The following PCNX1 variants were observed in gnomAD, a reference collection of about 807,000 sequenced individuals.
The protein encoded by PCNX1 is pecanex-like protein 1.
Under a neutral mutation model 242.2 loss-of-function variants are expected in PCNX1, and 78 were observed. That is an observed-to-expected ratio of 0.32 (90% confidence interval 0.27 to 0.39). The LOEUF is 0.39. Among genes scored for constraint, PCNX1 ranks in the 10% least tolerant of loss-of-function variants. The probability of loss-of-function intolerance (pLI) is 1.00; values close to 1 mark genes in which losing one functional copy is unlikely to be tolerated. For synonymous variants in PCNX1, 1,024 were observed against 1,032.9 expected (o/e 0.99, Z 0.17); for missense variants, 2,581 against 2,856.5 (o/e 0.90, Z 2.20).
intron 2 of PCNX1, among the ~76,000 whole-genome samples, chr14:70,961,856 A>G (rs921605035): frequency 1.3e-5 from 2 of 152,162 alleles, no homozygotes; most frequent in African/African-American, 4.8e-5. Flanking sequence ...CAATTGAACA[A>G]TTTCTCTTTG....
At chr14:71,021,707 A>T (rs1440139375) in intron 12 of PCNX1, among the ~76,000 whole-genome samples, 2 of 152,112 alleles carry the variant, frequency 1.3e-5, no homozygotes, top group African/African-American at 2.4e-5. Flanking sequence ...TGCTTTATGA[A>T]TGCTACATCA....
intron 8 of PCNX1, among the ~76,000 whole-genome samples, chr14:71,008,651 G>A (rs1384046257): frequency 1.1e-4 from 10 of 88,004 alleles, no homozygotes; most frequent in African/African-American, 5.1e-4. Context: ...GCGAGACTCT[G>A]TCTCAAAAAA....
chr14:70,930,240 G>A (rs942126999), intron 1 of PCNX1, among the ~76,000 whole-genome samples: 2 of 152,048 alleles, frequency 1.3e-5, no homozygotes, highest in African/African-American at 4.8e-5. Context: ...TGAACTTTTG[G>A]GCTCAAGCAG....
intron 32 of PCNX1, among the ~76,000 whole-genome samples, chr14:71,104,487 G>A (rs540304778): frequency 5.7e-4 from 87 of 152,104 alleles, no homozygotes; most frequent in Non-Finnish European, 3.1e-4. Context: ...AATTGTCCTC[G>A]TTTGCTTAGT....
intron 8 of PCNX1, among the ~76,000 whole-genome samples, chr14:71,001,792 T>A (rs2059513045): frequency 6.6e-6 from 1 of 152,222 alleles, no homozygotes; most frequent in African/African-American, 2.4e-5. Flanking sequence ...ATTTCTCTCA[T>A]GAGAACCATT....
At position 71,068,586 on chromosome 14, in the gene PCNX1, A is replaced by G. The variant is rs1357303312; in HGVS notation, c.4853-4959A>G. 1.0e-4 allele frequency among the ~76,000 whole-genome samples: 10 copies of G among 97,518 alleles called. No individual in the cohort carries two copies. The East Asian group carries it at 1.5e-3, about 15-fold the overall frequency. The allele number at this position is 97,518 out of a possible 152,430, so 64.0% of individuals were successfully genotyped here. A position where few individuals can be genotyped will look rare whatever the true frequency, so the allele number is the denominator to read the frequency against. On this transcript the variant is annotated intron_variant, in intron 26 of 35. Transcript: ENST00000304743. ...TGGTAGACTTTTTAGGTTTGTATGT[A>G]CGTGCGTGTGTGTGTGTGTGTGTGT... is the stretch of plus-strand genomic sequence containing the variant.
rs2062766341 is a variant in PCNX1, at chr14:71,112,249, T to G, written c.*2314T>G. On this transcript the variant is annotated 3_prime_UTR_variant, in exon 36 of 36. Transcript: ENST00000304743. ...TTCTAGCCCCTCCTCCAAAAAAATT[T>G]TAAACACATCACATACTCTGAAAAG... 1.3e-5 allele frequency: 2 copies of G among 152,158 alleles called. No individual in the cohort carries two copies. Among genetic ancestry groups the G allele is most frequent in the Admixed American group, 6.5e-5 (1 of 15,280 alleles). The allele number at this position is 152,158 out of a possible 1,614,324, so 9.4% of individuals were successfully genotyped here.
intron 1 of PCNX1, among the ~76,000 whole-genome samples, chr14:70,945,944 T>C (rs1271772806): frequency 6.6e-6 from 1 of 152,218 alleles, no homozygotes; most frequent in Non-Finnish European, 1.5e-5. Context: ...ATTTTTCTCA[T>C]GAAATTGGGA....
chr14:71,067,162 G>C (rs1005565346), intron 26 of PCNX1, among the ~76,000 whole-genome samples: 1 of 151,526 alleles, frequency 6.6e-6, no homozygotes, highest in Admixed American at 6.6e-5. Flanking sequence ...TCTTTTTATT[G>C]TTTGGAATAG....
intron 1 of PCNX1, among the ~76,000 whole-genome samples, chr14:70,920,055 C>T (rs988606616): frequency 3.3e-5 from 5 of 152,078 alleles, no homozygotes; most frequent in African/African-American, 7.2e-5. Context: ...TCCTACCCCT[C>T]CTCACTCCTT....
chr14:71,023,366 A>G lies in PCNX1; in HGVS notation c.3183+134A>G, dbSNP rs1245985076. 7 of 677,610 alleles carry G rather than the reference A, an allele frequency of 1.0e-5. No individual in the cohort carries two copies. The Admixed American group carries it at 1.6e-4, about 16-fold the overall frequency. The allele number at this position is 677,610 out of a possible 1,614,324, so 42.0% of individuals were successfully genotyped here. A position where few individuals can be genotyped will look rare whatever the true frequency, so the allele number is the denominator to read the frequency against. ...TAAAATTTATGTTATTATTTTCCTC[A>G]TCTATGTTTTGACACACTACTAGAA... On this transcript the variant is annotated intron_variant, in intron 13 of 35. Transcript: ENST00000304743.
At position 70,977,902 on chromosome 14, in the gene PCNX1, C is replaced by T. The variant is rs1435221124; in HGVS notation, c.1565C>T (p.Ala522Val). 1 of 1,614,042 alleles carries T rather than the reference C, an allele frequency of 6.2e-7. No individual in the cohort carries two copies. Residue 522 changes from alanine (A) to valine (V), a missense_variant, in exon 6 of 36, where the codon GCT becomes GTT. Transcript: ENST00000304743. ...AAAGAAGAGAAGAGTGATAAGTCAGCTGTTTCTGTGGATTCCAAAGTGCGT... is the reference window on the plus strand; with the variant it reads ...AAAGAAGAGAAGAGTGATAAGTCAGTTGTTTCTGTGGATTCCAAAGTGCGT... ...ENKEEKSDKS[A>V]VSVDSKVRKD...
chr14:71,060,028 C>G lies in PCNX1; in HGVS notation c.4852+2304C>G, dbSNP rs77569050. 8.3e-3 allele frequency among the ~76,000 whole-genome samples: 1,265 copies of G among 152,292 alleles called. 10 individuals carry two copies. The highest frequency in any genetic ancestry group is 0.029 in the African/African-American group (1,191 of 41,554). On this transcript the variant is annotated intron_variant, in intron 26 of 35. Coordinates refer to ENST00000304743, the MANE Select transcript of PCNX1 (RefSeq NM_014982.3). The stretch of plus-strand genomic sequence containing the variant: ...CCTGAATGTCCCTTTCTCAGAGAAG[C>G]CTTCTCTAGCCACCTATCCCACGTG...
At chr14:71,080,348 C>T (rs1258866062) in intron 28 of PCNX1, among the ~76,000 whole-genome samples, 1 of 152,134 alleles carries the variant, frequency 6.6e-6, no homozygotes, top group African/African-American at 2.4e-5. Context: ...ATTGTCTTGG[C>T]TATGCGGGCT....
At chr14:71,078,303 T>C (rs1013849930) in intron 28 of PCNX1, among the ~76,000 whole-genome samples, 1 of 152,228 alleles carries the variant, frequency 6.6e-6, no homozygotes, top group Non-Finnish European at 1.5e-5. Context: ...AACCTTTTCC[T>C]GGGGACATTA....
Position 70,978,009 on chromosome 14 carries a change from A to C in PCNX1, c.1672A>C (p.Lys558Gln). 1.2e-6 allele frequency: 2 copies of C among 1,614,136 alleles called. No individual in the cohort carries two copies. Among genetic ancestry groups the C allele is most frequent in the Non-Finnish European group, 1.7e-6 (2 of 1,180,016 alleles). The change falls in exon 6 of 36, where the codon AAG (lysine) becomes CAG (glutamine). Residue 558 changes from lysine (K) to glutamine (Q), a missense_variant. By Grantham distance (53) the Lys-to-Gln change is moderately conservative (BLOSUM62 1). This residue lies in a region of PCNX1 where 1,204 missense variants were observed against 1,216.7 expected (regional missense o/e 0.99). Transcript: ENST00000304743. ...AATCCATCGGACAGCTTCTGCCCAC[A>C]AGTCAGGCAGGAGACGCACAGGAAA... ...SVIHRTASAHKSGRRRTGKKR... is the reference protein window; with the variant it reads ...SVIHRTASAHQSGRRRTGKKR...
intron 25 of PCNX1, 77 bp downstream of exon 25, chr14:71,055,639 C>A: frequency 2.4e-6 from 2 of 824,780 alleles, no homozygotes; most frequent in East Asian, 2.5e-5. Context: ...TCACTCCTAA[C>A]TTGTTGGGAA....
At chr14:71,010,308 C>G (rs1483771681) in intron 9 of PCNX1, among the ~76,000 whole-genome samples, 1 of 152,076 alleles carries the variant, frequency 6.6e-6, no homozygotes, top group South Asian at 2.1e-4. Context: ...TCAGGACTTA[C>G]TCTTCATGTA....
At chr14:70,919,836 G>A (rs935952706) in intron 1 of PCNX1, among the ~76,000 whole-genome samples, 1 of 150,100 alleles carries the variant, frequency 6.7e-6, no homozygotes, top group Non-Finnish European at 1.5e-5. Flanking sequence ...CACTGTCAGT[G>A]CTAGTTGCTT....
Sources: gnomAD v4.1 joint callset for allele counts (sites outside exome capture counted in the v4.1 genomes callset) on GRCh38, gnomAD v4.1.1 for gene constraint, gnomAD v4.1.1 regional missense constraint, MANE v1.5 for transcripts, NCBI Gene and HGNC (gene_info 2026-07-23, HGNC 2026-07-21) for gene names.